MGST2: variants seen among roughly 807,000 people sequenced by gnomAD.
The protein encoded by MGST2 is glutathione peroxidase MGST2.
Under a neutral mutation model 16.6 loss-of-function variants are expected in MGST2, and 9 were observed. The ratio of observed to expected loss-of-function variants is 0.54; its 90% CI spans 0.33 to 0.95. MGST2 has a LOEUF of 0.95. Ranked by LOEUF, MGST2 falls within the 40% of genes least tolerant of loss-of-function variation. The pLI, the probability that MGST2 is intolerant of heterozygous loss-of-function variation, is 0.03. For missense variants in MGST2, 159 were observed against 175.1 expected, an observed-to-expected ratio of 0.91 and a Z score of 0.52; for synonymous variants, 79 against 68.0, an observed-to-expected ratio of 1.16 and a Z score of -0.79.
chr4:139,742,932 C>T (rs143068705), downstream of MGST2, among the ~76,000 whole-genome samples: 20 of 152,286 alleles, frequency 1.3e-4, no homozygotes, highest in East Asian at 3.7e-3. Context: ...TTTGCTTAAA[C>T]ATCTGGGATG....
rs56662682 is a variant in MGST2 at position 139,700,127 on chromosome 4, C to CTTTTTTTTTTT, written c.230-3316_230-3306dup. Among the ~76,000 whole-genome samples, 11 of 82,974 alleles carry CTTTTTTTTTTT rather than the reference C, an allele frequency of 1.3e-4. 1 individual carries two copies. The highest frequency in any genetic ancestry group is 3.3e-4 in the Admixed American group (2 of 6,114). The allele number at this position is 82,974 out of a possible 152,430, so 54.4% of individuals were successfully genotyped here. ...TTTTGTTTTTTGGTCTTTGGTTTTG[C>CTTTTTTTTTTT]TTTTTTTTTTTTTTTTTTTTTTGAG... is the stretch of plus-strand genomic sequence containing the variant. On this transcript the variant is annotated intron_variant, in intron 3 of 4. Coordinates refer to ENST00000265498, the MANE Select transcript of MGST2 (RefSeq NM_002413.5).
At chr4:139,709,819 T>C (rs551714566) in intron 5 of MGST2, among the ~76,000 whole-genome samples, 1 of 152,194 alleles carries the variant, frequency 6.6e-6, no homozygotes, top group African/African-American at 2.4e-5. Context: ...CTGGCAGCTG[T>C]CCTGGGTGTG....
At position 139,735,485 on chromosome 4, in the gene MGST2, C is replaced by T. The variant is rs969521007; in HGVS notation, c.*49-4727C>T. On this transcript the variant is annotated intron_variant, in intron 5 of 5. Transcript: ENST00000616265. The surrounding 1 kb of genome is among the most constrained non-coding windows in gnomAD (Gnocchi z 5.8). ...GGCGACCTCCGGGGGGGGAGGGTGG[C>T]GGACACCAGACCCCAGGGCCGACAG... Among the ~76,000 whole-genome samples, 1 of 151,124 alleles carries T rather than the reference C, an allele frequency of 6.6e-6. No homozygotes were observed. The highest frequency in any genetic ancestry group is 1.5e-5 in the Non-Finnish European group (1 of 67,754).
chr4:139,703,261 G>A (rs114216327), intron 3 of MGST2, among the ~76,000 whole-genome samples, 194 bp from the exon 4 acceptor site: 2,022 of 152,152 alleles, frequency 0.013, 32 homozygotes, highest in African/African-American at 0.046. Context: ...TGTTGATGTT[G>A]AATCATGTTG....
intron 5 of MGST2, among the ~76,000 whole-genome samples, chr4:139,726,501 C>T (rs1028593078): frequency 6.6e-6 from 1 of 152,090 alleles, no homozygotes; most frequent in Non-Finnish European, 1.5e-5. Flanking sequence ...CATGGACTGC[C>T]CAACATCAGC....
intron 5 of MGST2, among the ~76,000 whole-genome samples, chr4:139,712,734 C>A (rs995662279): frequency 6.6e-6 from 1 of 152,160 alleles, no homozygotes; most frequent in African/African-American, 2.4e-5. Context: ...AAACCCTATA[C>A]AGGGACTGTG....
At chr4:139,690,028 G>C (rs28699642) in intron 2 of MGST2, among the ~76,000 whole-genome samples, 23,888 of 152,132 alleles carry the variant, frequency 0.16, 2,611 homozygotes, top group East Asian at 0.32. Context: ...GCCTTGCTCT[G>C]TTGCCCAGGC....
chr4:139,691,823 CG>C (rs1490312380), intron 2 of MGST2, among the ~76,000 whole-genome samples: 1 of 152,022 alleles, frequency 6.6e-6, no homozygotes, highest in Non-Finnish European at 1.5e-5. Context: ...CTTAGTCTCC[CG>C]AGTAACTGGG....
downstream of MGST2, among the ~76,000 whole-genome samples, chr4:139,709,077 T>C (rs1579341105): frequency 2.0e-5 from 1 of 50,374 alleles, no homozygotes; most frequent in Non-Finnish European, 5.5e-5. Flanking sequence ...AAAAATTTTT[T>C]TTTTTTTTTT....
At chr4:139,737,885 G>T (rs1455207866) in intron 5 of MGST2, among the ~76,000 whole-genome samples, 1 of 152,182 alleles carries the variant, frequency 6.6e-6, no homozygotes, top group African/African-American at 2.4e-5. Context: ...TGGATTAAAA[G>T]GTTTGTTTTG....
At chr4:139,754,557 T>C in the MGST2 span, among the ~76,000 whole-genome samples, 31 of 152,248 alleles carry the variant, frequency 2.0e-4, no homozygotes, top group Non-Finnish European at 4.1e-4. Flanking sequence ...TGAACATTCT[T>C]GTACATAAAC....
intron 5 of MGST2, among the ~76,000 whole-genome samples, chr4:139,736,584 G>A (rs953715971): frequency 1.3e-5 from 2 of 152,144 alleles, no homozygotes; most frequent in African/African-American, 4.8e-5. Context: ...AAAGGAAATA[G>A]CTAAGAATAC....
In MGST2 at chr4:139,690,311, T is replaced by A. The variant is rs964307444; in HGVS notation, c.159-4886T>A. On this transcript the variant is annotated intron_variant, in intron 2 of 4. Coordinates refer to ENST00000265498, the MANE Select transcript of MGST2 (RefSeq NM_002413.5). ...CTGGCCTTAAATTTTTTTAAAAAAATTTTATTTTTTTATAGAGATGAGGTC... is the reference window on the plus strand; with the variant it reads ...CTGGCCTTAAATTTTTTTAAAAAAAATTTATTTTTTTATAGAGATGAGGTC... 5.3e-5 allele frequency among the ~76,000 whole-genome samples: 8 copies of A among 151,778 alleles called. No individual in the cohort carries two copies. The South Asian group carries it at 6.2e-4, about 12-fold the overall frequency.
At chr4:139,733,917 C>A (rs571714396) in intron 5 of MGST2, among the ~76,000 whole-genome samples, 1 of 152,344 alleles carries the variant, frequency 6.6e-6, no homozygotes, top group Non-Finnish European at 1.5e-5. Flanking sequence ...GTCTTGAACT[C>A]CTGGCCTCAA....
chr4:139,707,742 G>A (rs1455322071), downstream of MGST2, among the ~76,000 whole-genome samples: 1 of 151,970 alleles, frequency 6.6e-6, no homozygotes, highest in African/African-American at 2.4e-5. Context: ...TTGAATGATC[G>A]CCATTCTAAC....
chr4:139,744,998 G>T (rs891500680), downstream of MGST2, among the ~76,000 whole-genome samples: 1 of 152,208 alleles, frequency 6.6e-6, no homozygotes, highest in Non-Finnish European at 1.5e-5. Flanking sequence ...ATGAAATGAG[G>T]AAGCCAGTCC....
At chr4:139,681,677 A>G (rs1560740875) in intron 2 of MGST2, among the ~76,000 whole-genome samples, 1 of 152,208 alleles carries the variant, frequency 6.6e-6, no homozygotes, top group African/African-American at 2.4e-5. Flanking sequence ...AATTCTCTGT[A>G]ACATTTCTGT....
At chr4:139,682,304 G>T (rs578004571) in intron 2 of MGST2, among the ~76,000 whole-genome samples, 1 of 152,122 alleles carries the variant, frequency 6.6e-6, no homozygotes, top group Non-Finnish European at 1.5e-5. Context: ...ATGGGTTCCT[G>T]GGGGGTAAGT....
At chr4:139,720,252 C>A in intron 5 of MGST2, 1 of 1,600,650 alleles carries the variant, frequency 6.2e-7, no homozygotes, top group Admixed American at 1.7e-5. Context: ...GCGTTCTGTG[C>A]CATCAGCCGT....
Sources: allele counts gnomAD v4.1 joint callset (sites outside exome capture counted in the v4.1 genomes callset), GRCh38; gene constraint gnomAD v4.1.1; non-coding constraint Gnocchi (gnomAD v3.1); transcripts MANE v1.5; gene names NCBI Gene and HGNC (gene_info 2026-07-23, HGNC 2026-07-21).